The following USP36 variants were observed in gnomAD, a reference collection of about 807,000 sequenced individuals.
USP36 encodes ubiquitin carboxyl-terminal hydrolase 36.
USP36 carries 59 observed loss-of-function variants against 111.5 expected under a neutral mutation model. That is an observed-to-expected ratio of 0.53 (90% CI 0.43 to 0.66). The LOEUF (loss-of-function observed/expected upper bound fraction) is 0.66, where lower values mean the gene tolerates loss of function less well. USP36 is among the 30% of genes least tolerant of loss of function. The pLI is 0.00. For missense variants in USP36, 1,488 were observed against 1,468.0 expected, an observed-to-expected ratio of 1.01 and a Z score of -0.22; for synonymous variants, 628 against 581.0, an observed-to-expected ratio of 1.08 and a Z score of -1.16.
chr17:78,824,668 TACTATAAAATACATAA>T (rs1225899745), intron 6 of USP36, among the ~76,000 whole-genome samples: 3 of 152,188 alleles, frequency 2.0e-5, no homozygotes, highest in African/African-American at 7.2e-5. Context: ...TACCTATAAT[TACTATAAAATACATAA>T]ATATGACAGA....
At chr17:78,825,823 C>T (rs1188342519) in intron 6 of USP36, among the ~76,000 whole-genome samples, 1 of 152,188 alleles carries the variant, frequency 6.6e-6, no homozygotes, top group African/African-American at 2.4e-5. Context: ...CTGGGGACAC[C>T]GCAACCCTCC....
At chr17:78,790,019 G>C (rs746857462) in intron 3 of USP36, among the ~76,000 whole-genome samples, 1 of 152,192 alleles carries the variant, frequency 6.6e-6, no homozygotes, top group Non-Finnish European at 1.5e-5. Context: ...AATATTTACC[G>C]GGTGGCTGGT....
Position 78,787,800 on chromosome 17 carries a change from G to T in USP36, c.*21-142C>A, listed in dbSNP as rs1191089662. ...GTGAATGGTGACCTTATTTGGAAGT[G>T]GGGTCTTTGCAGATGTAATCAAGTT... On this transcript the variant is annotated intron_variant, in intron 3 of 3. Coordinates refer to the USP36 transcript ENST00000588130. The T allele has an allele frequency of 3.9e-5, 6 of 152,366 alleles. No homozygotes were observed. In the East Asian group the frequency reaches 1.2e-3, roughly 29 times the overall value. 9.4% of individuals were successfully genotyped at this position (152,366 alleles called of 1,614,324 possible). A position where few individuals can be genotyped will look rare whatever the true frequency, so the allele number is the denominator to read the frequency against.
At chr17:78,799,832 G>A (rs954104980) in intron 17 of USP36, 64 bp from the exon 18 acceptor site, 8 of 1,058,634 alleles carry the variant, frequency 7.6e-6, no homozygotes, top group South Asian at 3.1e-5. Context: ...GGAAGCAATC[G>A]CACACCTTAA....
At chr17:78,806,534 C>G (rs2093906657) in intron 14 of USP36, among the ~76,000 whole-genome samples, 1 of 152,196 alleles carries the variant, frequency 6.6e-6, no homozygotes, top group Admixed American at 6.5e-5. Context: ...GCACAACAAT[C>G]ACATCCACGT....
Position 78,807,153 on chromosome 17 carries a change from T to C in USP36, c.1891A>G (p.Arg631Gly), listed in dbSNP as rs112843316. 157 of 1,614,202 alleles carry C rather than the reference T, an allele frequency of 9.7e-5. No homozygotes were observed. The Middle Eastern group carries it at 2.6e-3, about 27-fold the overall frequency. ...TCGCAGAGATGGGCCGCTCCACTCC[T>C]GGGGGTCTGGGGGGCCTTGGTGGAG... Reference protein sequence around the residue: ...SDSTKAPQTPRSGAAHLCDSQ... With the variant: ...SDSTKAPQTPGSGAAHLCDSQ... The change falls in exon 14 of 21, where the codon AGG (arginine) becomes GGG (glycine). Residue 631 changes from arginine to glycine, a missense_variant. Physicochemically the swap from Arg to Gly is moderately radical, Grantham distance 125. Transcript: ENST00000449938.
chr17:78,788,907 AAG>A (rs774648264), intron 3 of USP36, among the ~76,000 whole-genome samples: 3 of 152,040 alleles, frequency 2.0e-5, no homozygotes, highest in Admixed American at 2.0e-4. Flanking sequence ...GGCTTCACGA[AAG>A]AGAGATGAGG....
In USP36 at chr17:78,803,288, C is replaced by T; in HGVS notation, c.2810+97G>A. The T allele has an allele frequency of 7.4e-7, 1 of 1,349,696 alleles. No homozygotes were observed. Among genetic ancestry groups the T allele is most frequent in the Non-Finnish European group, 1.0e-6 (1 of 977,858 alleles). 83.6% of individuals were successfully genotyped at this position (1,349,696 alleles called of 1,614,324 possible). Reference sequence around the variant, plus strand: ...CATTTTAGAAAACCACGCAAGCAGACTACGTTTCCAGACCATACCTACTTG... The same window carrying T: ...CATTTTAGAAAACCACGCAAGCAGATTACGTTTCCAGACCATACCTACTTG... On this transcript the variant is annotated intron_variant, in intron 16 of 20. Coordinates refer to ENST00000449938, the MANE Select transcript of USP36 (RefSeq NM_001385174.1). This position sits in a 1 kb window ranked among gnomAD's most constrained non-coding sequence, Gnocchi z 4.6.
At position 78,807,432 on chromosome 17, in the gene USP36, T is replaced by C; in HGVS notation, c.1612A>G (p.Lys538Glu). 6.2e-7 allele frequency: 1 copy of C among 1,614,128 alleles called. No individual in the cohort carries two copies. ...GAAAAGTGCTGTGGAGGAGCTGGCT[T>C]CTTCACCTTCTTTCCAGGGTCGTCT... ...ILDDPGKKVK[K>E]PAPPQHFSPR... The change falls in exon 14 of 21, where the codon AAG (lysine) becomes GAG (glutamate). Residue 538 changes from lysine to glutamate, a missense_variant. By Grantham distance (56) the Lys-to-Glu change is moderately conservative (BLOSUM62 1). Around this residue, in one of 3 missense-constraint regions of USP36, gnomAD observed 1,073 missense variants for 994.1 expected, o/e 1.08. Transcript: ENST00000449938.
intron 17 of USP36, among the ~76,000 whole-genome samples, chr17:78,800,308 G>C (rs1032960743): frequency 6.6e-6 from 1 of 152,156 alleles, no homozygotes; most frequent in Non-Finnish European, 1.5e-5. Flanking sequence ...GAACGGCCAA[G>C]CTTGGCTGCT....
At chr17:78,806,920 T>A in intron 14 of USP36, 39 bp downstream of exon 14, 1 of 1,601,554 alleles carries the variant, frequency 6.2e-7, no homozygotes, top group Non-Finnish European at 8.5e-7. Context: ...CTTGGAGCTC[T>A]CCTGATACAC....
rs376198256 is a variant in USP36, at chr17:78,803,850, G to A, written c.2345C>T (p.Thr782Met). Residue 782 changes from threonine (T) to methionine (M), a missense_variant, in exon 16 of 21, where the codon ACG becomes ATG. By Grantham distance (81) the Thr-to-Met change is moderately conservative. Transcript: ENST00000449938. This position sits in a 1 kb window ranked among gnomAD's most constrained non-coding sequence, Gnocchi z 4.6. ...SEPRSCSSISTALPQVNEDLV... is the reference protein window; with the variant it reads ...SEPRSCSSISMALPQVNEDLV... ...GTCCTCGTTGACCTGAGGCAGCGCC[G>A]TCGAGATGGAGGAGCAGCTCCGTGG... 91 of 1,612,454 alleles carry A rather than the reference G, an allele frequency of 5.6e-5. No individual in the cohort carries two copies. The highest frequency in any genetic ancestry group is 1.1e-4 in the East Asian group (5 of 44,820).
downstream of USP36, among the ~76,000 whole-genome samples, chr17:78,793,610 G>A (rs1344859581): frequency 6.6e-6 from 1 of 152,128 alleles, no homozygotes; most frequent in Non-Finnish European, 1.5e-5. Context: ...CATGTCACGT[G>A]ACCTGTCCAC....
intron 13 of USP36, among the ~76,000 whole-genome samples, chr17:78,811,073 G>A (rs1031225542): frequency 6.8e-6 from 1 of 147,616 alleles, no homozygotes; most frequent in Admixed American, 6.8e-5. Flanking sequence ...AGAGGCTGCA[G>A]TGAGCTGAGA....
At chr17:78,815,193 G>C (rs1034727218) in intron 10 of USP36, among the ~76,000 whole-genome samples, 2 of 151,770 alleles carry the variant, frequency 1.3e-5, no homozygotes, top group Admixed American at 1.3e-4. Flanking sequence ...TTAGCCAGGC[G>C]TGGTGGCACG....
rs1240685611 is a variant in USP36, at chr17:78,798,758, A to G, written c.3240+150T>C. The stretch of plus-strand genomic sequence containing the variant: ...AGCTGCGAGGATGCATGCCCTGTCC[A>G]TGGCCACACGCCCGGACAGGCCTGG... On this transcript the variant is annotated intron_variant, in intron 19 of 20. Transcript: ENST00000449938. This position sits in a 1 kb window ranked among gnomAD's most constrained non-coding sequence, Gnocchi z 5.1. 4.2e-6 allele frequency: 5 copies of G among 1,202,860 alleles called. No homozygotes were observed. Among genetic ancestry groups the G allele is most frequent in the East Asian group, 2.3e-5 (1 of 42,784 alleles). 74.5% of individuals were successfully genotyped at this position (1,202,860 alleles called of 1,614,324 possible). A position where few individuals can be genotyped will look rare whatever the true frequency, so the allele number is the denominator to read the frequency against.
intron 4 of USP36, among the ~76,000 whole-genome samples, chr17:78,829,342 G>A (rs2067866540): frequency 6.6e-6 from 1 of 152,168 alleles, no homozygotes; most frequent in African/African-American, 2.4e-5. Flanking sequence ...AAAAGACTAA[G>A]GCAGATTTTC....
rs753979623 is a variant in USP36 at position 78,812,927 on chromosome 17, C to T, written c.1340G>A (p.Ser447Asn). ...TGSSSLPGRP[S>N]VIPDHSKKNI... ...CTTCTTGGAGTGATCTGGAATCACA[C>T]TCGGGCGGCCGGGAAGGGAGGAGGA... Residue 447 changes from serine (S) to asparagine (N), a missense_variant, in exon 13 of 21, where the codon AGT (serine) becomes AAT (asparagine). By Grantham distance (46) the Ser-to-Asn change is conservative. This residue lies in a region of USP36 where 1,073 missense variants were observed against 994.1 expected (regional missense o/e 1.08). Coordinates refer to ENST00000449938, the MANE Select transcript of USP36 (RefSeq NM_001385174.1). 4 of 1,613,962 alleles carry T rather than the reference C, an allele frequency of 2.5e-6. No homozygotes were observed. The East Asian group carries it at 8.9e-5, about 36-fold the overall frequency.
intron 4 of USP36, among the ~76,000 whole-genome samples, chr17:78,834,237 T>C (rs1262463018): frequency 6.8e-6 from 1 of 148,066 alleles, no homozygotes; most frequent in African/African-American, 2.5e-5. Flanking sequence ...ACAGAGTCCG[T>C]CTCAAAAAAA....
Sources: allele counts gnomAD v4.1 joint callset (sites outside exome capture counted in the v4.1 genomes callset), GRCh38; gene constraint gnomAD v4.1.1; regional missense constraint gnomAD v4.1.1; non-coding constraint Gnocchi (gnomAD v3.1); transcripts MANE v1.5; gene names NCBI Gene and HGNC (gene_info 2026-07-23, HGNC 2026-07-21).